DISP1: variants seen among roughly 807,000 people sequenced by gnomAD.
The protein encoded by DISP1 is dispatched RND transporter family member 1, also known as protein dispatched homolog 1.
In DISP1, 30 loss-of-function variants were observed where a neutral mutation model predicts 37.3. The observed-to-expected ratio is 0.80, with a 90% CI of 0.60 to 1.09. DISP1 has a LOEUF of 1.09. DISP1 is among the 50% of genes least tolerant of loss of function. The pLI is 0.00. For synonymous variants in DISP1, 634 were observed against 690.2 expected, an observed-to-expected ratio of 0.92 and a Z score of 1.28; for missense variants, 1,598 against 1,879.5, an observed-to-expected ratio of 0.85 and a Z score of 2.77.
intron 3 of DISP1, among the ~76,000 whole-genome samples, chr1:222,954,853 A>G (rs942659420): frequency 6.6e-6 from 1 of 152,040 alleles, no homozygotes; most frequent in Non-Finnish European, 1.5e-5. Flanking sequence ...TCTAAAAATA[A>G]ATAAAATAAA....
chr1:222,889,776 A>G (rs1670841586), intron 1 of DISP1, among the ~76,000 whole-genome samples: 1 of 152,120 alleles, frequency 6.6e-6, no homozygotes, highest in South Asian at 2.1e-4. Flanking sequence ...TTATCTTGAA[A>G]ACTTCTTTTA....
intron 3 of DISP1, among the ~76,000 whole-genome samples, chr1:222,972,753 G>T (rs149075337): frequency 1.1e-3 from 172 of 152,162 alleles, no homozygotes; most frequent in African/African-American, 3.8e-3. Context: ...ATTCATTCAC[G>T]TAATGTTTGT....
intron 4 of DISP1, among the ~76,000 whole-genome samples, chr1:222,990,310 G>C (rs1048198726): frequency 6.6e-6 from 1 of 152,146 alleles, no homozygotes; most frequent in Non-Finnish European, 1.5e-5. Context: ...TACAGGCATA[G>C]ATGTAGATAT....
chr1:222,903,626 T>C lies in DISP1; in HGVS notation c.-158-24804T>C, dbSNP rs79210867. On this transcript the variant is annotated intron_variant, in intron 1 of 8. Transcript: ENST00000675850. ...TGTGATGAGAGGGAAAACAAAGTTC[T>C]GCAGACTGTCTTTAAAGAGCTCATG... is the stretch of plus-strand genomic sequence containing the variant. 1.5e-3 allele frequency among the ~76,000 whole-genome samples: 225 copies of C among 152,314 alleles called. 1 individual carries two copies. Among genetic ancestry groups the C allele is most frequent in the Non-Finnish European group, 2.5e-3 (170 of 68,014 alleles).
At chr1:222,837,156 AG>A (rs1190458859) in intron 1 of DISP1, 2 of 397,786 alleles carry the variant, frequency 5.0e-6, no homozygotes, top group Non-Finnish European at 8.9e-6. Flanking sequence ...ATCTTCTTAA[AG>A]AAAAAGCCAT....
rs1281122889 is a variant in DISP1, at chr1:222,992,071, T to C, written c.850T>C (p.Trp284Arg). Residue 284 changes from tryptophan to arginine, a missense_variant, in exon 7 of 9, where the codon TGG becomes CGG. Transcript: ENST00000675850. The stretch of plus-strand genomic sequence containing the variant: ...TGAAAGAGAGAAAAGAGAAGTTGAC[T>C]GGAACTTCCACAAGGACAGCTTTTT... Reference protein sequence around the residue: ...HYEREKREVDWNFHKDSFFCD... With the variant: ...HYEREKREVDRNFHKDSFFCD... The C allele has an allele frequency of 1.9e-6, 3 of 1,613,928 alleles. No homozygotes were observed. The highest frequency in any genetic ancestry group is 2.5e-6 in the Non-Finnish European group (3 of 1,179,944).
intron 8 of DISP1, 53 bp from the exon 9 acceptor site, chr1:223,002,332 C>A: frequency 6.5e-7 from 1 of 1,536,488 alleles, no homozygotes; most frequent in Non-Finnish European, 9.0e-7. Flanking sequence ...CAGTTGTGAA[C>A]GATTGTGAAC....
chr1:222,889,040 T>A (rs957786028), intron 1 of DISP1, among the ~76,000 whole-genome samples: 7 of 152,150 alleles, frequency 4.6e-5, no homozygotes, highest in African/African-American at 1.7e-4. Context: ...TTTTTGTGTG[T>A]TGGGAATGTT....
chr1:222,944,092 G>C (rs1674586755), intron 3 of DISP1, among the ~76,000 whole-genome samples: 1 of 152,104 alleles, frequency 6.6e-6, no homozygotes, highest in Admixed American at 6.6e-5. Context: ...CTGCCTTATG[G>C]CTGTACTCAA....
At chr1:222,990,498 A>G in intron 4 of DISP1, 127 bp from the exon 5 acceptor site, 1 of 1,348,000 alleles carries the variant, frequency 7.4e-7, no homozygotes. Context: ...GTAGTCTACA[A>G]TATGAGGATT....
rs754069672 is a variant in DISP1, at chr1:223,003,420, C to A, written c.2023C>A (p.Gln675Lys). ...NIFTCFKKPQ[Q>K]QIYDNKSCWT... Reference sequence around the variant, plus strand: ...ATTCACTTGCTTCAAAAAGCCCCAGCAGCAAATATATGATAACAAAAGCTG... The same window carrying A: ...ATTCACTTGCTTCAAAAAGCCCCAGAAGCAAATATATGATAACAAAAGCTG... The change falls in exon 9 of 9, where the codon CAG becomes AAG. Residue 675 changes from glutamine (Q) to lysine (K), a missense_variant. Coordinates refer to ENST00000675850, the MANE Select transcript of DISP1 (RefSeq NM_001377229.1). The surrounding 1 kb of genome is among the most constrained non-coding windows in gnomAD (Gnocchi z 4.3). 1.2e-6 allele frequency: 2 copies of A among 1,614,118 alleles called. No individual in the cohort carries two copies. The highest frequency in any genetic ancestry group is 4.5e-5 in the East Asian group (2 of 44,886).
chr1:222,895,381 A>G (rs1054843212), intron 1 of DISP1, among the ~76,000 whole-genome samples: 4 of 152,154 alleles, frequency 2.6e-5, no homozygotes, highest in Non-Finnish European at 5.9e-5. Flanking sequence ...AATTCAACAC[A>G]TTTTACTGTT....
chr1:222,911,681 A>G (rs982309249), intron 1 of DISP1, among the ~76,000 whole-genome samples: 3 of 151,816 alleles, frequency 2.0e-5, no homozygotes, highest in African/African-American at 7.3e-5. Flanking sequence ...CACTACATCC[A>G]GCTAATTTTT....
chr1:222,970,197 G>A lies in DISP1; in HGVS notation c.510-12883G>A, dbSNP rs980321429. Among the ~76,000 whole-genome samples, 10 of 150,022 alleles carry A rather than the reference G, an allele frequency of 6.7e-5. No individual in the cohort carries two copies. The East Asian group carries it at 7.7e-4, about 12-fold the overall frequency. ...ACATGACCATCTTTAGTAACCTGGC[G>A]TTATTTCCTACAGTGTGACATGCAC... On this transcript the variant is annotated intron_variant, in intron 3 of 8. Transcript: ENST00000675850.
At chr1:222,970,549 T>C (rs1471546254) in intron 3 of DISP1, among the ~76,000 whole-genome samples, 1 of 152,190 alleles carries the variant, frequency 6.6e-6, no homozygotes, top group African/African-American at 2.4e-5. Flanking sequence ...AGTGTTGAAA[T>C]ACTTTAGGAG....
intron 1 of DISP1, among the ~76,000 whole-genome samples, chr1:222,832,175 G>T (rs1235889896): frequency 1.3e-5 from 2 of 152,086 alleles, no homozygotes; most frequent in Non-Finnish European, 2.9e-5. Context: ...GGAGGCTGAG[G>T]CAGGAGAATC....
rs765003653 is a variant in DISP1 at position 222,942,885 on chromosome 1, G to A, written c.62G>A (p.Ser21Asn). 6.8e-6 allele frequency: 11 copies of A among 1,614,148 alleles called. No individual in the cohort carries two copies. The Admixed American group carries it at 1.7e-4, about 24-fold the overall frequency. Residue 21 changes from serine (S) to asparagine (N), a missense_variant, in exon 3 of 9, where the codon AGT becomes AAT. Transcript: ENST00000675850. ...VVLSNSSIATSAANPSPLTPC... is the reference protein window; with the variant it reads ...VVLSNSSIATNAANPSPLTPC... ...CTGAGCAACAGCAGCATCGCAACCA[G>A]TGCTGCTAACCCGAGTCCCCTCACC...
chr1:222,843,605 A>G (rs1190004905), intron 1 of DISP1, among the ~76,000 whole-genome samples: 6 of 152,078 alleles, frequency 3.9e-5, no homozygotes, highest in South Asian at 2.1e-4. Flanking sequence ...AAAATAGCAA[A>G]CAAGAACAAA....
intron 3 of DISP1, among the ~76,000 whole-genome samples, chr1:222,975,737 A>G (rs538702167): frequency 1.3e-5 from 2 of 152,344 alleles, no homozygotes; most frequent in South Asian, 4.1e-4. Context: ...ACTGTAGCCA[A>G]GGTTCTCAAC....
Sources: gnomAD v4.1 joint callset for allele counts (sites outside exome capture counted in the v4.1 genomes callset) on GRCh38, gnomAD v4.1.1 for gene constraint, Gnocchi (gnomAD v3.1) non-coding constraint, MANE v1.5 for transcripts, NCBI Gene and HGNC (gene_info 2026-07-23, HGNC 2026-07-21) for gene names.